Variants in TRPS1 observed in about 807,000 individuals in gnomAD.
TRPS1 encodes the protein transcriptional repressor GATA binding 1, also known as zinc finger transcription factor Trps1.
Under a neutral mutation model 101.2 loss-of-function variants are expected in TRPS1, and 6 were observed. The observed-to-expected ratio is 0.06, with a 90% CI of 0.03 to 0.12. The LOEUF (loss-of-function observed/expected upper bound fraction) is 0.12, where lower values mean the gene tolerates loss of function less well. TRPS1 is among the 10% of genes least tolerant of loss of function. TRPS1 has a pLI of 1.00. For missense variants in TRPS1, 1,363 were observed against 1,567.0 expected (o/e 0.87, Z 2.20); for synonymous variants, 578 against 589.8 (o/e 0.98, Z 0.29).
At chr8:115,563,129 T>C (rs536602205) in intron 5 of TRPS1, among the ~76,000 whole-genome samples, 1 of 152,122 alleles carries the variant, frequency 6.6e-6, no homozygotes, top group Admixed American at 6.6e-5. Flanking sequence ...GACTGTATAA[T>C]TTCTAAAAAA....
chr8:115,552,847 C>A (rs1364279920), intron 5 of TRPS1, among the ~76,000 whole-genome samples: 1 of 151,952 alleles, frequency 6.6e-6, no homozygotes, highest in Admixed American at 6.6e-5. Context: ...ATTCCCCCCA[C>A]CCCCTAAAGC....
intron 3 of TRPS1, among the ~76,000 whole-genome samples, chr8:115,613,046 G>A (rs564114593): frequency 6.6e-6 from 1 of 152,228 alleles, no homozygotes; most frequent in African/African-American, 2.4e-5. Context: ...AAGAGCATAA[G>A]ACAACTTTCA....
At chr8:115,472,468 T>C (rs774979861) in intron 5 of TRPS1, among the ~76,000 whole-genome samples, 1 of 152,206 alleles carries the variant, frequency 6.6e-6, no homozygotes. Context: ...GGGCCTGTGA[T>C]GGAGGGGCTG....
chr8:115,554,806 T>C (rs1816779839), intron 5 of TRPS1, among the ~76,000 whole-genome samples: 2 of 152,106 alleles, frequency 1.3e-5, no homozygotes, highest in Non-Finnish European at 2.9e-5. Context: ...TAAGGGCAGC[T>C]GCTCTAGATG....
chr8:115,549,000 T>A (rs141471648), intron 5 of TRPS1, among the ~76,000 whole-genome samples: 1 of 152,320 alleles, frequency 6.6e-6, no homozygotes, highest in East Asian at 1.9e-4. Context: ...TAATACTGAT[T>A]ACACTGATTA....
At chr8:115,544,199 C>T (rs1217300488) in intron 5 of TRPS1, among the ~76,000 whole-genome samples, 1 of 150,034 alleles carries the variant, frequency 6.7e-6, no homozygotes, top group Non-Finnish European at 1.5e-5. Flanking sequence ...CAAATTGCAG[C>T]CCATCACTAA....
intron 4 of TRPS1, among the ~76,000 whole-genome samples, chr8:115,602,786 A>C (rs1225121478): frequency 6.6e-6 from 1 of 152,202 alleles, no homozygotes; most frequent in East Asian, 1.9e-4. Context: ...TGAAAGGCAT[A>C]ATAATGAGAA....
chr8:115,512,086 T>C (rs1815599827), intron 5 of TRPS1, among the ~76,000 whole-genome samples: 1 of 151,788 alleles, frequency 6.6e-6, no homozygotes, highest in Admixed American at 6.6e-5. Flanking sequence ...ACTAAGGGTG[T>C]GTAAGCATTT....
intron 5 of TRPS1, among the ~76,000 whole-genome samples, chr8:115,490,614 G>A (rs1440951838): frequency 2.0e-5 from 3 of 151,994 alleles, no homozygotes; most frequent in Non-Finnish European, 4.4e-5. Context: ...CTCAGTAATC[G>A]TCTACCTTTC....
chr8:115,661,231 GATTC>G (rs1208332936), intron 1 of TRPS1, among the ~76,000 whole-genome samples: 1 of 151,754 alleles, frequency 6.6e-6, no homozygotes, highest in Non-Finnish European at 1.5e-5. Flanking sequence ...GATAACAATT[GATTC>G]ATTATGTTTA....
chr8:115,486,837 A>G lies in TRPS1; in HGVS notation c.2701-68385T>C, dbSNP rs186535230. Among the ~76,000 whole-genome samples the G allele has an allele frequency of 2.3e-3, 348 of 152,334 alleles. 1 individual carries two copies. Among genetic ancestry groups the G allele is most frequent in the South Asian group, 9.7e-3 (47 of 4,830 alleles). On this transcript the variant is annotated intron_variant, in intron 5 of 6. Coordinates refer to ENST00000395715, the MANE Select transcript of TRPS1 (RefSeq NM_014112.5). ...TGAAGGAAAGAAGCCATCTCCATAT[A>G]AAAGTATAAGGTTAAGAAGCAAGTG...
intron 5 of TRPS1, among the ~76,000 whole-genome samples, chr8:115,498,373 G>GTCTCTCTC (rs1271156488): frequency 0.011 from 356 of 31,004 alleles, 111 homozygotes; most frequent in East Asian, 0.032. Context: ...GAGAGAGCCC[G>GTCTCTCTC]TCTCTCTCTC....
intron 5 of TRPS1, among the ~76,000 whole-genome samples, chr8:115,475,823 C>G (rs186636018): frequency 4.3e-4 from 65 of 152,110 alleles, no homozygotes; most frequent in Non-Finnish European, 8.1e-4. Flanking sequence ...AGGAGTTCTA[C>G]ATCCATCACA....
intron 5 of TRPS1, among the ~76,000 whole-genome samples, chr8:115,554,088 T>C (rs6998448): frequency 0.69 from 105,463 of 152,128 alleles, 38,024 homozygotes; most frequent in African/African-American, 0.89. Flanking sequence ...TTTAAAAGTA[T>C]GAAATATTAA....
At chr8:115,519,294 A>G (rs1191254703) in intron 5 of TRPS1, among the ~76,000 whole-genome samples, 1 of 151,730 alleles carries the variant, frequency 6.6e-6, no homozygotes, top group African/African-American at 2.4e-5. Flanking sequence ...CTTCTTAACA[A>G]TATTATCAGA....
chr8:115,551,093 C>T (rs1310665666), intron 5 of TRPS1, among the ~76,000 whole-genome samples: 1 of 152,176 alleles, frequency 6.6e-6, no homozygotes, highest in Non-Finnish European at 1.5e-5. Flanking sequence ...ATAAATTTAA[C>T]AGGCACAACA....
At chr8:115,466,120 T>C (rs887720492) in intron 5 of TRPS1, among the ~76,000 whole-genome samples, 1 of 152,150 alleles carries the variant, frequency 6.6e-6, no homozygotes. Flanking sequence ...GTATCAATTA[T>C]AATCCGGCTT....
At chr8:115,427,822 A>G (rs1353567830) in intron 5 of TRPS1, among the ~76,000 whole-genome samples, 5 of 103,934 alleles carry the variant, frequency 4.8e-5, no homozygotes, top group African/African-American at 1.9e-4. Context: ...AGAGGAACAG[A>G]GCACTTGGCT....
At chr8:115,467,818 A>C (rs1814362550) in intron 5 of TRPS1, among the ~76,000 whole-genome samples, 1 of 152,170 alleles carries the variant, frequency 6.6e-6, no homozygotes. Context: ...TCTGCTATCT[A>C]AGGAAGGAGT....
Sources: allele counts gnomAD v4.1 joint callset (sites outside exome capture counted in the v4.1 genomes callset), GRCh38; gene constraint gnomAD v4.1.1; transcripts MANE v1.5; gene names NCBI Gene and HGNC (gene_info 2026-07-23, HGNC 2026-07-21).